Variants in ERICH1 observed in about 807,000 individuals in gnomAD.
ERICH1 encodes the protein glutamate rich 1.
Under a neutral mutation model 39.6 loss-of-function variants are expected in ERICH1, and 56 were observed. The ratio of observed to expected loss-of-function variants is 1.41; its 90% confidence interval spans 1.14 to 1.77. The LOEUF (loss-of-function observed/expected upper bound fraction) is 1.77. Ranked by LOEUF, ERICH1 falls within the 40% of genes most tolerant of loss-of-function variation. The probability of loss-of-function intolerance (pLI) is 0.00; values close to 1 mark genes in which losing one functional copy is unlikely to be tolerated. For missense variants in ERICH1, 826 were observed against 575.4 expected (o/e 1.44, Z -4.45); for synonymous variants, 313 against 223.6 (o/e 1.40, Z -3.57).
chr8:726,973 G>GTACACA lies in ERICH1; in HGVS notation c.22+4161_22+4166dup, dbSNP rs1036479829. ...CACAGGCACATACACATGCACACAC[G>GTACACA]TACACATACACATACACACACGCAC... On this transcript the variant is annotated intron_variant, in intron 1 of 5. Transcript: ENST00000262109. 2.5e-4 allele frequency among the ~76,000 whole-genome samples: 31 copies of GTACACA among 125,464 alleles called. 2 individuals carry two copies. The East Asian group carries it at 5.5e-3, about 22-fold the overall frequency. The allele number at this position is 125,464 out of a possible 152,430, so 82.3% of individuals were successfully genotyped here.
intron 3 of ERICH1, among the ~76,000 whole-genome samples, chr8:677,835 C>T (rs960432253): frequency 1.3e-5 from 2 of 152,162 alleles, no homozygotes; most frequent in African/African-American, 4.8e-5. Context: ...CGACCCTCAT[C>T]ACCCAGCAAG....
intron 3 of ERICH1, among the ~76,000 whole-genome samples, chr8:657,676 T>C (rs1380284043): frequency 6.6e-6 from 1 of 151,694 alleles, no homozygotes; most frequent in Non-Finnish European, 1.5e-5. Flanking sequence ...TGCGTGGGTT[T>C]CAGCTGAACG....
chr8:678,001 G>T (rs1178723931), intron 3 of ERICH1, among the ~76,000 whole-genome samples: 2 of 152,124 alleles, frequency 1.3e-5, no homozygotes, highest in African/African-American at 4.8e-5. Flanking sequence ...TGTTGAGATC[G>T]ACTGCGCTAT....
chr8:677,720 G>C (rs1805176201), intron 3 of ERICH1, among the ~76,000 whole-genome samples: 1 of 152,184 alleles, frequency 6.6e-6, no homozygotes, highest in African/African-American at 2.4e-5. Flanking sequence ...CCTCTTAGGT[G>C]TCTATTAAAA....
intron 4 of ERICH1, among the ~76,000 whole-genome samples, chr8:672,537 C>T (rs1803671950): frequency 6.6e-6 from 1 of 152,126 alleles, no homozygotes; most frequent in African/African-American, 2.4e-5. Flanking sequence ...ACCACATTAA[C>T]CTGAACCTGC....
At chr8:661,768 C>T (rs2131749929), downstream of ERICH1, among the ~76,000 whole-genome samples, 1 of 152,364 alleles carries the variant, frequency 6.6e-6, no homozygotes, top group South Asian at 2.1e-4. Flanking sequence ...CTGAGCATCC[C>T]ACCTGCTCGA....
intron 3 of ERICH1, among the ~76,000 whole-genome samples, chr8:676,487 A>ACGCGGCGGCCCCTCGTGAGGACAGAGG (rs1563236935): frequency 0.075 from 3,488 of 46,460 alleles, 430 homozygotes; most frequent in Admixed American, 0.094. Context: ...GAGGACAGAG[A>ACGCGGCGGCCCCTCGTGAGGACAGAGG]CGCGGCGGCC....
intron 3 of ERICH1, among the ~76,000 whole-genome samples, chr8:644,021 G>C (rs927897651): frequency 6.6e-6 from 1 of 152,232 alleles, no homozygotes; most frequent in Admixed American, 6.5e-5. Flanking sequence ...TGTGGGCTTG[G>C]TGGGGGCGCA....
rs570619836 is a variant in ERICH1, at chr8:678,216, C to G, written c.305-4169G>C. Among the ~76,000 whole-genome samples, 4 of 152,120 alleles carry G rather than the reference C, an allele frequency of 2.6e-5. No individual in the cohort carries two copies. In the East Asian group the frequency reaches 7.7e-4, roughly 29 times the overall value. ...TCCCTGCAGTTACTCCTTGGGTGGTCTAAGTATAGGCTGCTTTTTTCCTCC... is the reference window on the plus strand; with the variant it reads ...TCCCTGCAGTTACTCCTTGGGTGGTGTAAGTATAGGCTGCTTTTTTCCTCC... On this transcript the variant is annotated intron_variant, in intron 3 of 5. Transcript: ENST00000262109.
chr8:673,747 A>G lies in ERICH1; in HGVS notation c.605T>C (p.Val202Ala), dbSNP rs756344263. ...ACCATCCTCCTCACAAGCCTCTCCC[A>G]CGCCTTCCCCTTCATTGCTGCTGTC... ...PEDSSNEGEG[V>A]GEACEEDGVD... Residue 202 changes from valine (V) to alanine (A), a missense_variant, in exon 4 of 6, where the codon GTG becomes GCG. Val to Ala is a moderately conservative substitution (Grantham distance 64). Transcript: ENST00000262109. 6.2e-7 allele frequency: 1 copy of G among 1,614,044 alleles called. No homozygotes were observed. Among genetic ancestry groups the G allele is most frequent in the Non-Finnish European group, 8.5e-7 (1 of 1,180,000 alleles).
chr8:651,791 G>C (rs1257658517), intron 3 of ERICH1, among the ~76,000 whole-genome samples: 1 of 151,998 alleles, frequency 6.6e-6, no homozygotes, highest in Non-Finnish European at 1.5e-5. Flanking sequence ...GTTTCCCTTC[G>C]GCAGCCACTC....
At chr8:662,322 AT>A (rs1291754957), downstream of ERICH1, among the ~76,000 whole-genome samples, 3 of 152,354 alleles carry the variant, frequency 2.0e-5, no homozygotes, top group Admixed American at 6.5e-5. Flanking sequence ...TATTGAATTT[AT>A]TTTCATATTT....
At chr8:695,169 G>A (rs1344469818) in intron 2 of ERICH1, among the ~76,000 whole-genome samples, 2 of 151,978 alleles carry the variant, frequency 1.3e-5, no homozygotes, top group Non-Finnish European at 2.9e-5. Context: ...CCTGGCAGCC[G>A]ACAGCTATGG....
intron 1 of ERICH1, among the ~76,000 whole-genome samples, chr8:729,470 G>A (rs753083891): frequency 6.6e-6 from 1 of 152,216 alleles, no homozygotes; most frequent in Non-Finnish European, 1.5e-5. Context: ...ACACACTCCA[G>A]TTTCCTGCTC....
chr8:682,708 C>G (rs1262076168), intron 3 of ERICH1, among the ~76,000 whole-genome samples: 1 of 152,248 alleles, frequency 6.6e-6, no homozygotes, highest in African/African-American at 2.4e-5. Context: ...CTCTCTGCTA[C>G]TATTTGACAC....
Position 651,794 on chromosome 8 carries a change from A to G in ERICH1, c.976+16804T>C, listed in dbSNP as rs565916128. ...GGAGGGCATCTGGTTTCCCTTCGGC[A>G]GCCACTCTGACATCATTGTCAACTC... On this transcript the variant is annotated intron_variant, in intron 3 of 3. Coordinates refer to the ERICH1 transcript ENST00000522706. 2.0e-5 allele frequency among the ~76,000 whole-genome samples: 3 copies of G among 152,232 alleles called. No homozygotes were observed. The South Asian group carries it at 6.2e-4, about 32-fold the overall frequency.
At chr8:643,026 G>C (rs1400322640) in intron 3 of ERICH1, among the ~76,000 whole-genome samples, 4 of 152,132 alleles carry the variant, frequency 2.6e-5, no homozygotes, top group Non-Finnish European at 5.9e-5. Context: ...GGCCCTCCCT[G>C]TTGCTACTGG....
rs74939477 is a variant in ERICH1 at position 703,701 on chromosome 8, G to A, written c.170-11089C>T. Among the ~76,000 whole-genome samples the A allele has an allele frequency of 7.6e-3, 1,164 of 152,308 alleles. 13 individuals carry two copies. The highest frequency in any genetic ancestry group is 0.026 in the African/African-American group (1,097 of 41,542). ...AGTGACAAAAACGAAGGGTGCAGCC[G>A]GAAGGGTGGAAGATGAAATTTGAGA... On this transcript the variant is annotated intron_variant, in intron 2 of 5. Coordinates refer to ENST00000262109, the MANE Select transcript of ERICH1 (RefSeq NM_207332.3).
chr8:716,928 C>G (rs1189461737), intron 1 of ERICH1, among the ~76,000 whole-genome samples: 1 of 152,176 alleles, frequency 6.6e-6, no homozygotes, highest in African/African-American at 2.4e-5. Context: ...ATTCTGGCCT[C>G]TGGGACAAAC....
Sources: gnomAD v4.1 joint callset for allele counts (sites outside exome capture counted in the v4.1 genomes callset) on GRCh38, gnomAD v4.1.1 for gene constraint, MANE v1.5 for transcripts, NCBI Gene and HGNC (gene_info 2026-07-23, HGNC 2026-07-21) for gene names.